The following RBFOX1 variants were observed in gnomAD, a reference collection of about 807,000 sequenced individuals.
The protein encoded by RBFOX1 is RNA binding protein fox-1 homolog 1.
A neutral mutation model predicts 57.7 loss-of-function variants in RBFOX1; 8 were observed. That is an observed-to-expected ratio of 0.14 (90% CI 0.08 to 0.25). RBFOX1 has a LOEUF of 0.25. RBFOX1 is among the 10% of genes least tolerant of loss of function. The pLI is 1.00. For synonymous variants in RBFOX1, 326 were observed against 222.4 expected (o/e 1.47, Z -4.15); for missense variants, 611 against 548.5 (o/e 1.11, Z -1.14).
At chr16:7,064,331 G>A (rs557303050) in intron 4 of RBFOX1, among the ~76,000 whole-genome samples, 2 of 151,972 alleles carry the variant, frequency 1.3e-5, no homozygotes, top group African/African-American at 4.8e-5. Context: ...ACCATACCCA[G>A]CTAATTTTTG....
At chr16:7,140,157 C>CCTCTCTCTCTCTCTCTCTCT (rs57128710) in intron 4 of RBFOX1, among the ~76,000 whole-genome samples, 42 of 70,860 alleles carry the variant, frequency 5.9e-4, no homozygotes, top group Non-Finnish European at 8.1e-4. Flanking sequence ...TCCTTCTCTC[C>CCTCTCTCTCTCTCTCTCTCT]CTCTCTCTCT....
At chr16:7,084,679 A>C (rs947390930) in intron 4 of RBFOX1, among the ~76,000 whole-genome samples, 3 of 152,238 alleles carry the variant, frequency 2.0e-5, no homozygotes, top group African/African-American at 7.2e-5. Flanking sequence ...TCCTGTGCTC[A>C]CTTGCCCTAA....
At chr16:6,537,928 AT>A (rs545919190) in intron 2 of RBFOX1, among the ~76,000 whole-genome samples, 526 of 147,998 alleles carry the variant, frequency 3.6e-3, no homozygotes, top group African/African-American at 8.7e-3. Flanking sequence ...AAAGAGCAAG[AT>A]TTTTTTTTTT....
rs904585008 is a variant in RBFOX1 at position 6,888,714 on chromosome 16, G to C, written c.-15-163343G>C. On this transcript the variant is annotated intron_variant, in intron 3 of 15. Transcript: ENST00000550418. ...CTAGTAAAAAAGCTGGGGGAAGGGA[G>C]ACCATTGTAAGTACACAGCAGCCTT... Among the ~76,000 whole-genome samples the C allele has an allele frequency of 2.2e-4, 34 of 152,156 alleles. 1 individual carries two copies. The highest frequency in any genetic ancestry group is 1.5e-5 in the Non-Finnish European group (1 of 68,022).
rs115196958 is a variant in RBFOX1, at chr16:7,192,023, A to G, written c.27+139925A>G. ...AATGTTCAACATCGTTTAACATTTT[A>G]TTAGAGGGAAACAGTTTTTAATCTA... On this transcript the variant is annotated intron_variant, in intron 4 of 15. Coordinates refer to ENST00000550418, the MANE Select transcript of RBFOX1 (RefSeq NM_018723.4). 3.3e-3 allele frequency among the ~76,000 whole-genome samples: 501 copies of G among 152,332 alleles called. 2 individuals are homozygous for G. Among genetic ancestry groups the G allele is most frequent in the African/African-American group, 0.011 (475 of 41,574 alleles).
intron 4 of RBFOX1, among the ~76,000 whole-genome samples, chr16:7,166,170 C>T (rs2079470309): frequency 6.6e-6 from 1 of 152,066 alleles, no homozygotes; most frequent in South Asian, 2.1e-4. Context: ...CATGCCAGCA[C>T]ACCCAGCTAA....
At chr16:6,651,656 C>T (rs1602774390) in intron 2 of RBFOX1, among the ~76,000 whole-genome samples, 1 of 152,038 alleles carries the variant, frequency 6.6e-6, no homozygotes, top group African/African-American at 2.4e-5. Flanking sequence ...GGTGGTTCCT[C>T]AAAAAATGAA....
chr16:7,213,656 C>G (rs925674998), intron 4 of RBFOX1, among the ~76,000 whole-genome samples: 1 of 152,070 alleles, frequency 6.6e-6, no homozygotes, highest in African/African-American at 2.4e-5. Flanking sequence ...GATGAGCTAT[C>G]TCATTTAATA....
In RBFOX1 at chr16:7,672,620, C is replaced by T. The variant is rs112377504; in HGVS notation, c.931-4154C>T. 9.7e-3 allele frequency among the ~76,000 whole-genome samples: 1,468 copies of T among 151,924 alleles called. 29 individuals are homozygous for T. The highest frequency in any genetic ancestry group is 0.034 in the African/African-American group (1,400 of 41,426). On this transcript the variant is annotated intron_variant, in intron 13 of 15. Coordinates refer to ENST00000550418, the MANE Select transcript of RBFOX1 (RefSeq NM_018723.4). Reference sequence around the variant, plus strand: ...GCTCACACCTGTAATCCCCGTACTTCGGGAGACCTAAGGCAGGCAGATTGC... The same window carrying T: ...GCTCACACCTGTAATCCCCGTACTTTGGGAGACCTAAGGCAGGCAGATTGC...
At chr16:6,653,962 TGGTTGGAC>T (rs1283585619) in intron 2 of RBFOX1, among the ~76,000 whole-genome samples, 2 of 100,698 alleles carry the variant, frequency 2.0e-5, no homozygotes, top group Non-Finnish European at 4.3e-5. Flanking sequence ...GAAGGATGGA[TGGTTGGAC>T]GGATGGATGG....
At chr16:5,515,825 G>T (rs956577496) in intron 2 of RBFOX1, among the ~76,000 whole-genome samples, 1 of 152,126 alleles carries the variant, frequency 6.6e-6, no homozygotes, top group Admixed American at 6.5e-5. Flanking sequence ...GATGCGTAAG[G>T]CTCCCTAAGT....
At chr16:6,936,460 A>T (rs558643076) in intron 3 of RBFOX1, among the ~76,000 whole-genome samples, 139 of 152,280 alleles carry the variant, frequency 9.1e-4, no homozygotes, top group African/African-American at 3.2e-3. Flanking sequence ...TCCTATTATC[A>T]TTACTTTCTT....
chr16:6,780,897 T>C (rs1252581701), intron 3 of RBFOX1, among the ~76,000 whole-genome samples: 1 of 152,076 alleles, frequency 6.6e-6, no homozygotes, highest in Non-Finnish European at 1.5e-5. Context: ...GCAGTTATTC[T>C]CTTGTCAGGT....
chr16:6,438,717 C>A (rs2094301559), intron 2 of RBFOX1, among the ~76,000 whole-genome samples: 1 of 152,114 alleles, frequency 6.6e-6, no homozygotes, highest in Non-Finnish European at 1.5e-5. Context: ...TTTCCATAGA[C>A]ATTTCCTGAG....
chr16:5,982,449 A>AT (rs1270602678), intron 4 of RBFOX1, among the ~76,000 whole-genome samples: 1 of 151,430 alleles, frequency 6.6e-6, no homozygotes, highest in Non-Finnish European at 1.5e-5. Flanking sequence ...TAATTTTTGT[A>AT]TTTTTTAGTA....
At chr16:6,864,098 G>A (rs1414484491) in intron 3 of RBFOX1, among the ~76,000 whole-genome samples, 1 of 149,950 alleles carries the variant, frequency 6.7e-6, no homozygotes, top group Admixed American at 6.7e-5. Context: ...AAAAATAAAA[G>A]TGACAAAGAA....
rs558693732 is a variant in RBFOX1, at chr16:6,631,299, G to A, written c.-63-23304G>A. On this transcript the variant is annotated intron_variant, in intron 2 of 15. Transcript: ENST00000550418. ...GGGGGGTGAGTGTGTGTGTGTGTAC[G>A]AGAGACAGAGATGCATTTTAATGCA... is the stretch of plus-strand genomic sequence containing the variant. Among the ~76,000 whole-genome samples, 32 of 152,202 alleles carry A rather than the reference G, an allele frequency of 2.1e-4. No homozygotes were observed. The East Asian group carries it at 3.1e-3, about 15-fold the overall frequency.
In RBFOX1 at chr16:7,346,087, T is replaced by C. The variant is rs558567556; in HGVS notation, c.28-172060T>C. On this transcript the variant is annotated intron_variant, in intron 4 of 15. Transcript: ENST00000550418. The stretch of plus-strand genomic sequence containing the variant: ...GTGAGAACATGCGGTGTTTGGTTTT[T>C]TGTCCTTGCGATAGTTTGCTGAGAA... 2.0e-5 allele frequency among the ~76,000 whole-genome samples: 3 copies of C among 152,272 alleles called. No individual in the cohort carries two copies. The East Asian group carries it at 5.8e-4, about 30-fold the overall frequency.
intron 3 of RBFOX1, among the ~76,000 whole-genome samples, chr16:6,925,229 G>C (rs1225244876): frequency 7.3e-6 from 1 of 136,498 alleles, no homozygotes; most frequent in Non-Finnish European, 1.5e-5. Flanking sequence ...TGCCTCCCGG[G>C]CTCAAGCAAT....
Sources: gnomAD v4.1 joint callset for allele counts (sites outside exome capture counted in the v4.1 genomes callset) on GRCh38, gnomAD v4.1.1 for gene constraint, MANE v1.5 for transcripts, NCBI Gene and HGNC (gene_info 2026-07-23, HGNC 2026-07-21) for gene names.